MCPH1: variants seen among roughly 807,000 people sequenced by gnomAD.
MCPH1 encodes the protein microcephalin 1.
In MCPH1, 104 loss-of-function variants were observed where a neutral mutation model predicts 84.5. That is an observed-to-expected ratio of 1.23 (90% CI 1.05 to 1.45). The LOEUF (loss-of-function observed/expected upper bound fraction) is 1.45. MCPH1 is among the 40% of genes most tolerant of loss of function. MCPH1 has a pLI of 0.00. For missense variants in MCPH1, 1,498 were observed against 1,005.7 expected (o/e 1.49, Z -6.62); for synonymous variants, 514 against 366.8 (o/e 1.40, Z -4.58).
At chr8:6,419,942 G>A (rs991025862) in intron 3 of MCPH1, among the ~76,000 whole-genome samples, 4 of 152,074 alleles carry the variant, frequency 2.6e-5, no homozygotes, top group Non-Finnish European at 4.4e-5. Context: ...TAAAATGGAT[G>A]TAGTCTATTC....
intron 5 of MCPH1, among the ~76,000 whole-genome samples, chr8:6,436,400 T>C (rs1381649940): frequency 6.6e-6 from 1 of 152,210 alleles, no homozygotes; most frequent in Non-Finnish European, 1.5e-5. Context: ...GTGGTCGAAC[T>C]TTTTATTTTC....
intron 9 of MCPH1, among the ~76,000 whole-genome samples, chr8:6,461,490 C>A (rs567765123): frequency 1.4e-5 from 2 of 142,066 alleles, no homozygotes; most frequent in Non-Finnish European, 3.0e-5. Context: ...CCATGCCCAG[C>A]TAATTTTTCT....
At chr8:6,467,432 A>C (rs913498441) in intron 9 of MCPH1, among the ~76,000 whole-genome samples, 1 of 152,158 alleles carries the variant, frequency 6.6e-6, no homozygotes, top group African/African-American at 2.4e-5. Flanking sequence ...GCAGTACTAA[A>C]ATCTTATCCC....
intron 12 of MCPH1, among the ~76,000 whole-genome samples, chr8:6,574,708 T>G (rs1210180232): frequency 2.0e-5 from 3 of 152,162 alleles, no homozygotes; most frequent in East Asian, 3.8e-4. Context: ...AGCTGAAAGA[T>G]AAGTGAAAAC....
chr8:6,640,518 C>A (rs1797873570), intron 13 of MCPH1, among the ~76,000 whole-genome samples: 1 of 152,134 alleles, frequency 6.6e-6, no homozygotes, highest in African/African-American at 2.4e-5. Context: ...CTGTCCTGAT[C>A]CCTTAACTGT....
At chr8:6,534,266 A>G (rs939044348) in intron 12 of MCPH1, among the ~76,000 whole-genome samples, 2 of 152,214 alleles carry the variant, frequency 1.3e-5, no homozygotes, top group Non-Finnish European at 1.5e-5. Flanking sequence ...CAGTATAGCA[A>G]CTATTTACAT....
intron 13 of MCPH1, among the ~76,000 whole-genome samples, chr8:6,641,337 C>T (rs1046221691): frequency 2.0e-5 from 3 of 152,112 alleles, no homozygotes; most frequent in Non-Finnish European, 4.4e-5. Flanking sequence ...CCCTGAGTAT[C>T]GGAAAAGGCT....
At chr8:6,626,259 C>G in intron 13 of MCPH1, 3 of 985,352 alleles carry the variant, frequency 3.0e-6, no homozygotes, top group Non-Finnish European at 3.6e-6. Context: ...GCTCAGTATA[C>G]AAAATGTAAG....
rs541848411 is a variant in MCPH1, at chr8:6,595,762, G to A, written c.2215-25692G>A. Among the ~76,000 whole-genome samples, 101 of 152,244 alleles carry A rather than the reference G, an allele frequency of 6.6e-4. 1 individual carries two copies. Among genetic ancestry groups the A allele is most frequent in the Non-Finnish European group, 1.3e-3 (87 of 68,022 alleles). On this transcript the variant is annotated intron_variant, in intron 12 of 13. Transcript: ENST00000344683. ...AACAAGGTCTTCAGAGCATCATTCCGGCTGCTGCACAGGGAAGAGCATCAG... is the reference window on the plus strand; with the variant it reads ...AACAAGGTCTTCAGAGCATCATTCCAGCTGCTGCACAGGGAAGAGCATCAG...
At chr8:6,621,776 C>G in intron 13 of MCPH1, 85 bp downstream of exon 13, 18 of 1,575,666 alleles carry the variant, frequency 1.1e-5, no homozygotes, top group African/African-American at 1.3e-5. Context: ...GCTCACACCC[C>G]CTTCCACGCA....
chr8:6,518,854 A>G (rs1033544865), intron 12 of MCPH1, among the ~76,000 whole-genome samples: 6 of 152,192 alleles, frequency 3.9e-5, no homozygotes, highest in Admixed American at 6.5e-5. Context: ...CTCCTGTAAT[A>G]TCATTCTTCC....
intron 3 of MCPH1, among the ~76,000 whole-genome samples, chr8:6,430,920 G>T (rs1801742825): frequency 6.6e-6 from 1 of 152,158 alleles, no homozygotes; most frequent in Admixed American, 6.5e-5. Flanking sequence ...AAGGAGATAA[G>T]GGTCACAGGA....
intron 12 of MCPH1, among the ~76,000 whole-genome samples, chr8:6,605,525 C>G (rs1399866331): frequency 6.6e-6 from 1 of 152,204 alleles, no homozygotes; most frequent in Non-Finnish European, 1.5e-5. Flanking sequence ...CTGTAAACCT[C>G]TACTGTCTTA....
At chr8:6,485,978 A>T (rs2920689) in intron 11 of MCPH1, among the ~76,000 whole-genome samples, 3 of 151,994 alleles carry the variant, frequency 2.0e-5, no homozygotes, top group Admixed American at 1.3e-4. Context: ...TGTTCATCTC[A>T]GTCTTCAAGA....
At chr8:6,613,802 G>C (rs1190777290) in intron 12 of MCPH1, among the ~76,000 whole-genome samples, 1 of 152,090 alleles carries the variant, frequency 6.6e-6, no homozygotes, top group Non-Finnish European at 1.5e-5. Context: ...GCTTGTGGAC[G>C]GCCAGGGAAC....
intron 9 of MCPH1, among the ~76,000 whole-genome samples, chr8:6,463,316 T>C (rs1175580798): frequency 3.3e-5 from 5 of 152,202 alleles, no homozygotes; most frequent in African/African-American, 4.8e-5. Flanking sequence ...TCCAGTATCA[T>C]TAGAACCTTC....
At chr8:6,491,912 T>C (rs143410170) in intron 11 of MCPH1, among the ~76,000 whole-genome samples, 3 of 152,292 alleles carry the variant, frequency 2.0e-5, no homozygotes, top group African/African-American at 7.2e-5. Context: ...GTCTTTGCTA[T>C]TGTAAATAGT....
intron 9 of MCPH1, among the ~76,000 whole-genome samples, chr8:6,457,671 C>T (rs537940078): frequency 6.6e-6 from 1 of 152,270 alleles, no homozygotes; most frequent in South Asian, 2.1e-4. Flanking sequence ...CAGCTCCCGA[C>T]CCCAGTGCGG....
chr8:6,546,046 G>A (rs1378921842), intron 12 of MCPH1, among the ~76,000 whole-genome samples: 2 of 152,238 alleles, frequency 1.3e-5, no homozygotes, highest in African/African-American at 2.4e-5. Flanking sequence ...CACACCCGGT[G>A]TGAGTCCCAG....
Sources: gnomAD v4.1 joint callset for allele counts (sites outside exome capture counted in the v4.1 genomes callset) on GRCh38, gnomAD v4.1.1 for gene constraint, MANE v1.5 for transcripts, NCBI Gene and HGNC (gene_info 2026-07-23, HGNC 2026-07-21) for gene names.